Variants in PTGFRN observed in about 807,000 individuals in gnomAD.
PTGFRN encodes prostaglandin F2 receptor inhibitor, also known as prostaglandin F2 receptor negative regulator.
Under a neutral mutation model 83.2 loss-of-function variants are expected in PTGFRN, and 35 were observed. That is an observed-to-expected ratio of 0.42 (90% CI 0.32 to 0.56). The LOEUF is 0.56. Among genes scored for constraint, PTGFRN ranks in the 20% least tolerant of loss-of-function variants. The pLI, the probability that PTGFRN is intolerant of heterozygous loss-of-function variation, is 0.11. For missense variants in PTGFRN, 1,051 were observed against 1,179.5 expected (o/e 0.89, Z 1.60); for synonymous variants, 519 against 498.6 (o/e 1.04, Z -0.55).
At chr1:116,966,801 G>A (rs919759613) in intron 5 of PTGFRN, 110 bp from the exon 6 acceptor site, 2 of 1,212,654 alleles carry the variant, frequency 1.6e-6, no homozygotes, top group Non-Finnish European at 2.3e-6. Context: ...AGGTGCTTTT[G>A]TGTGGCAATT....
intron 1 of PTGFRN, among the ~76,000 whole-genome samples, chr1:116,935,983 G>A (rs1010827706): frequency 6.6e-6 from 1 of 152,192 alleles, no homozygotes; most frequent in Admixed American, 6.5e-5. Context: ...ACTTAGTAGC[G>A]GCATTTTTAT....
chr1:116,931,384 T>A (rs1570650143), intron 1 of PTGFRN, among the ~76,000 whole-genome samples: 1 of 152,282 alleles, frequency 6.6e-6, no homozygotes, highest in East Asian at 1.9e-4. Flanking sequence ...AACCTTTCAC[T>A]CTCACTTATC....
chr1:116,920,526 C>A (rs756456691), intron 1 of PTGFRN, among the ~76,000 whole-genome samples: 1 of 152,118 alleles, frequency 6.6e-6, no homozygotes, highest in Non-Finnish European at 1.5e-5. Flanking sequence ...CCCAGTATGC[C>A]CCAGACCACA....
chr1:116,967,436 A>G, intron 6 of PTGFRN, 106 bp downstream of exon 6: 1 of 1,139,804 alleles, frequency 8.8e-7, no homozygotes, highest in Non-Finnish European at 1.2e-6. Flanking sequence ...TGCAATTCAT[A>G]TGCCATACAA....
chr1:116,931,998 A>G (rs1340825480), intron 1 of PTGFRN, among the ~76,000 whole-genome samples: 2 of 152,214 alleles, frequency 1.3e-5, no homozygotes, highest in African/African-American at 4.8e-5. Context: ...TATCTTACAA[A>G]TGGTTCAGAT....
chr1:116,955,215 G>T (rs1050183051), intron 4 of PTGFRN, among the ~76,000 whole-genome samples: 3 of 152,192 alleles, frequency 2.0e-5, no homozygotes, highest in Non-Finnish European at 4.4e-5. Context: ...GTGTGGACAT[G>T]AGCAGACACC....
intron 1 of PTGFRN, among the ~76,000 whole-genome samples, chr1:116,936,438 TC>T (rs1333835774): frequency 6.6e-6 from 1 of 152,224 alleles, no homozygotes; most frequent in African/African-American, 2.4e-5. Flanking sequence ...GCTTTACTTT[TC>T]CCAGTGGAGC....
chr1:116,921,952 A>T (rs1649545996), intron 1 of PTGFRN, among the ~76,000 whole-genome samples: 1 of 152,168 alleles, frequency 6.6e-6, no homozygotes, highest in South Asian at 2.1e-4. Flanking sequence ...GGTTTCTCAG[A>T]GGTGGGAGTA....
At chr1:116,912,155 G>C (rs895391402) in intron 1 of PTGFRN, among the ~76,000 whole-genome samples, 1 of 152,140 alleles carries the variant, frequency 6.6e-6, no homozygotes, top group Admixed American at 6.5e-5. Flanking sequence ...ATAGAAGTGG[G>C]GAAAGCACAG....
chr1:116,932,662 T>TA (rs760342297), intron 1 of PTGFRN, among the ~76,000 whole-genome samples: 23 of 152,212 alleles, frequency 1.5e-4, no homozygotes, highest in Non-Finnish European at 3.4e-4. Context: ...AAATATATAA[T>TA]ATTTCTTCTT....
chr1:116,938,758 T>G (rs2101061646), intron 1 of PTGFRN, among the ~76,000 whole-genome samples: 2 of 152,294 alleles, frequency 1.3e-5, no homozygotes, highest in Non-Finnish European at 2.9e-5. Context: ...CAGTTCAAAG[T>G]CTCATTTGAG....
Position 116,951,298 on chromosome 1 carries a change from A to G in PTGFRN, c.1213+1726A>G, listed in dbSNP as rs537302395. ...TTGTTGGTAGCTGTGTTCTCCAGAG[A>G]GTGAAAAGAAATAAAGAGACTAAAT... On this transcript the variant is annotated intron_variant, in intron 4 of 8. Transcript: ENST00000393203. Among the ~76,000 whole-genome samples, 7 of 152,314 alleles carry G rather than the reference A, an allele frequency of 4.6e-5. No homozygotes were observed. In the South Asian group the frequency reaches 1.5e-3, roughly 32 times the overall value.
Position 116,910,139 on chromosome 1 carries a change from G to A in PTGFRN, c.-65G>A. ...GACTCTGGAGCAGCCGGAGCTGGAA[G>A]AGGAGGAGGAGGAGAGGCGGCGGGG... is the stretch of plus-strand genomic sequence containing the variant. On this transcript the variant is annotated 5_prime_UTR_variant, in exon 1 of 9. Coordinates refer to ENST00000393203, the MANE Select transcript of PTGFRN (RefSeq NM_020440.4). 4 of 1,401,950 alleles carry A rather than the reference G, an allele frequency of 2.9e-6. No individual in the cohort carries two copies. The highest frequency in any genetic ancestry group is 3.8e-6 in the Non-Finnish European group (4 of 1,041,364). The allele number at this position is 1,401,950 out of a possible 1,614,324, so 86.8% of individuals were successfully genotyped here.
chr1:116,988,494 A>C lies in PTGFRN; in HGVS notation c.*1527A>C, dbSNP rs1651588224. 6.5e-6 allele frequency: 1 copy of C among 152,686 alleles called. No homozygotes were observed. Among genetic ancestry groups the C allele is most frequent in the African/African-American group, 2.4e-5 (1 of 41,444 alleles). 9.5% of individuals were successfully genotyped at this position (152,686 alleles called of 1,614,324 possible). ...AGGCTCGCTGGTGACTCATGCCCTA[A>C]TTGCAATCCTCTGCTTTTATCTTGA... is the stretch of plus-strand genomic sequence containing the variant. On this transcript the variant is annotated 3_prime_UTR_variant, in exon 9 of 9. Transcript: ENST00000393203.
In PTGFRN at chr1:116,987,125, G is replaced by A. The variant is rs1262770956; in HGVS notation, c.*158G>A. 2.5e-6 allele frequency: 2 copies of A among 786,910 alleles called. No individual in the cohort carries two copies. The highest frequency in any genetic ancestry group is 3.5e-5 in the African/African-American group (2 of 57,614). The allele number at this position is 786,910 out of a possible 1,614,324, so 48.7% of individuals were successfully genotyped here. On this transcript the variant is annotated 3_prime_UTR_variant, in exon 9 of 9. Coordinates refer to ENST00000393203, the MANE Select transcript of PTGFRN (RefSeq NM_020440.4). The stretch of plus-strand genomic sequence containing the variant: ...CTCTCTTTTCTGCATGTCAAGTTCT[G>A]AGCGCGGACATGTTTACCAGCACAC...
At chr1:116,940,326 C>G (rs1570655018) in intron 1 of PTGFRN, among the ~76,000 whole-genome samples, 2 of 152,146 alleles carry the variant, frequency 1.3e-5, no homozygotes, top group African/African-American at 4.8e-5. Flanking sequence ...AGGTCCTTGG[C>G]TTGTAGACAT....
intron 1 of PTGFRN, among the ~76,000 whole-genome samples, chr1:116,914,155 G>A (rs1221864299): frequency 6.6e-6 from 1 of 152,202 alleles, no homozygotes; most frequent in Non-Finnish European, 1.5e-5. Context: ...CCCAGCTGGT[G>A]GCAGTTCTGC....
chr1:116,919,942 T>G (rs1385745991), intron 1 of PTGFRN, among the ~76,000 whole-genome samples: 1 of 152,214 alleles, frequency 6.6e-6, no homozygotes, highest in Non-Finnish European at 1.5e-5. Flanking sequence ...AAAATAAGGG[T>G]TGGGCTAGCT....
At chr1:116,977,366 G>C (rs894079436) in intron 7 of PTGFRN, among the ~76,000 whole-genome samples, 2 of 152,168 alleles carry the variant, frequency 1.3e-5, no homozygotes, top group Non-Finnish European at 1.5e-5. Flanking sequence ...TCTGCACCAA[G>C]TGGACCTAAT....
Sources: allele counts gnomAD v4.1 joint callset (sites outside exome capture counted in the v4.1 genomes callset), GRCh38; gene constraint gnomAD v4.1.1; transcripts MANE v1.5; gene names NCBI Gene and HGNC (gene_info 2026-07-23, HGNC 2026-07-21).